The following ERC2 variants were observed in gnomAD, a reference collection of about 807,000 sequenced individuals.
The protein encoded by ERC2 is ERC protein 2.
Under a neutral mutation model 114.8 loss-of-function variants are expected in ERC2, and 42 were observed. That is an observed-to-expected ratio of 0.37 (90% CI 0.29 to 0.47). The LOEUF is 0.47. ERC2 is among the 20% of genes least tolerant of loss of function. The pLI, the probability that ERC2 is intolerant of heterozygous loss-of-function variation, is 0.99. For missense variants in ERC2, 939 were observed against 1,150.7 expected, an observed-to-expected ratio of 0.82 and a Z score of 2.66; for synonymous variants, 454 against 425.5, an observed-to-expected ratio of 1.07 and a Z score of -0.82.
intron 17 of ERC2, among the ~76,000 whole-genome samples, chr3:55,601,304 G>A (rs543777248): frequency 6.6e-6 from 1 of 152,274 alleles, no homozygotes; most frequent in East Asian, 1.9e-4. Flanking sequence ...CTCCATATGT[G>A]ACTCCAGGCT....
chr3:56,032,959 C>CAGAAAGAA lies in ERC2; in HGVS notation c.1642-13936_1642-13929dup, dbSNP rs1224864548. ...AGAAAGAAAGAAAGAAAGAAAGAAA[C>CAGAAAGAA]AGAAAGAAAGAAAGAAAGAGAAAGA... On this transcript the variant is annotated intron_variant, in intron 7 of 17. Coordinates refer to ENST00000288221, the MANE Select transcript of ERC2 (RefSeq NM_015576.3). Among the ~76,000 whole-genome samples, 177 of 38,624 alleles carry CAGAAAGAA rather than the reference C, an allele frequency of 4.6e-3. 2 individuals carry two copies. Among genetic ancestry groups the CAGAAAGAA allele is most frequent in the African/African-American group, 9.2e-3 (93 of 10,056 alleles). 25.3% of individuals were successfully genotyped at this position (38,624 alleles called of 152,430 possible). A position where few individuals can be genotyped will look rare whatever the true frequency, so the allele number is the denominator to read the frequency against.
At chr3:56,422,710 T>C (rs2061431530) in intron 2 of ERC2, among the ~76,000 whole-genome samples, 1 of 152,136 alleles carries the variant, frequency 6.6e-6, no homozygotes, top group Non-Finnish European at 1.5e-5. Flanking sequence ...TTCAAGACAG[T>C]GGAAAGAGCA....
intron 1 of ERC2, among the ~76,000 whole-genome samples, chr3:56,465,250 T>G (rs1182363515): frequency 6.6e-6 from 1 of 151,890 alleles, no homozygotes; most frequent in African/African-American, 2.4e-5. Flanking sequence ...AATACAAAAA[T>G]TAGAGAGGCA....
chr3:55,966,201 A>T (rs981625477), intron 12 of ERC2, among the ~76,000 whole-genome samples: 4 of 152,186 alleles, frequency 2.6e-5, no homozygotes, highest in Admixed American at 2.0e-4. Flanking sequence ...CCTGGAACAT[A>T]AGCCTTCCCT....
intron 13 of ERC2, among the ~76,000 whole-genome samples, chr3:55,929,803 C>T (rs1267361241): frequency 6.6e-6 from 1 of 152,200 alleles, no homozygotes; most frequent in African/African-American, 2.4e-5. Context: ...TCGCTCTCTT[C>T]CTTCTGCTGC....
intron 7 of ERC2, among the ~76,000 whole-genome samples, chr3:56,052,327 C>T (rs1423343065): frequency 2.0e-5 from 3 of 152,196 alleles, no homozygotes. Context: ...GTTTTAGAGA[C>T]ATTAAATAGA....
intron 3 of ERC2, among the ~76,000 whole-genome samples, chr3:56,282,195 T>A (rs1254404312): frequency 6.6e-6 from 1 of 152,178 alleles, no homozygotes; most frequent in Non-Finnish European, 1.5e-5. Context: ...TTCACTAGCA[T>A]TCCCAGGTCT....
intron 14 of ERC2, among the ~76,000 whole-genome samples, chr3:55,740,464 C>T (rs1176669711): frequency 3.9e-5 from 6 of 151,950 alleles, no homozygotes; most frequent in Middle Eastern, 3.5e-3. Context: ...TTTTGAAACC[C>T]TCATTTAAAT....
chr3:56,197,121 A>T (rs2048156595), intron 3 of ERC2, among the ~76,000 whole-genome samples: 1 of 152,176 alleles, frequency 6.6e-6, no homozygotes, highest in Admixed American at 6.5e-5. Flanking sequence ...GATCCTAAGA[A>T]ATAGCAAAAT....
intron 2 of ERC2, among the ~76,000 whole-genome samples, chr3:56,404,873 G>C (rs2060653613): frequency 6.6e-6 from 1 of 152,180 alleles, no homozygotes; most frequent in African/African-American, 2.4e-5. Context: ...AAAAAATTCA[G>C]ATGAAGAAGC....
In ERC2 at chr3:56,217,176, A is replaced by G. The variant is rs1276866300; in HGVS notation, c.1075-43656T>C. ...AGGAGAAGGAAATAAAGGGTATTCA[A>G]TTAGGAAAAGAGGAAGTCAAATTGT... On this transcript the variant is annotated intron_variant, in intron 3 of 17. Transcript: ENST00000288221. Among the ~76,000 whole-genome samples, 3 of 152,318 alleles carry G rather than the reference A, an allele frequency of 2.0e-5. No individual in the cohort carries two copies. The South Asian group carries it at 6.2e-4, about 32-fold the overall frequency.
chr3:56,047,045 C>A (rs935209470), intron 7 of ERC2, among the ~76,000 whole-genome samples: 1 of 152,182 alleles, frequency 6.6e-6, no homozygotes, highest in Non-Finnish European at 1.5e-5. Context: ...TAAACCCGGG[C>A]TTCTTTTCCC....
chr3:56,464,462 A>G (rs1036551436), intron 1 of ERC2, among the ~76,000 whole-genome samples: 1 of 152,240 alleles, frequency 6.6e-6, no homozygotes, highest in Non-Finnish European at 1.5e-5. Context: ...AATCACGGTC[A>G]ACCTGAAGAC....
intron 1 of ERC2, among the ~76,000 whole-genome samples, chr3:56,452,629 A>G (rs2062872620): frequency 1.3e-5 from 2 of 152,186 alleles, no homozygotes; most frequent in African/African-American, 2.4e-5. Context: ...ACGAGAAATT[A>G]TTTTCATTAA....
At chr3:55,864,241 G>A (rs914882703) in intron 14 of ERC2, among the ~76,000 whole-genome samples, 1 of 141,348 alleles carries the variant, frequency 7.1e-6, no homozygotes. Flanking sequence ...GTGTGTGTGT[G>A]TATATATGTA....
intron 15 of ERC2, among the ~76,000 whole-genome samples, chr3:55,711,762 G>T (rs2063790226): frequency 6.6e-6 from 1 of 152,144 alleles, no homozygotes; most frequent in Non-Finnish European, 1.5e-5. Context: ...CAATATTTTT[G>T]CAAAGGAACA....
intron 12 of ERC2, among the ~76,000 whole-genome samples, chr3:55,964,219 C>T (rs779664829): frequency 1.3e-5 from 2 of 152,140 alleles, no homozygotes; most frequent in Non-Finnish European, 2.9e-5. Context: ...CACTTCATCC[C>T]CATTTTACAG....
At chr3:55,971,189 G>T (rs376001453) in intron 12 of ERC2, among the ~76,000 whole-genome samples, 1 of 151,962 alleles carries the variant, frequency 6.6e-6, no homozygotes, top group Non-Finnish European at 1.5e-5. Context: ...AATAAATGAG[G>T]GAGAGGGGAG....
chr3:55,951,312 C>A (rs1209959203), intron 12 of ERC2, among the ~76,000 whole-genome samples: 2 of 152,154 alleles, frequency 1.3e-5, no homozygotes, highest in African/African-American at 4.8e-5. Context: ...AATTATGAGG[C>A]TCCAATCAAA....
Sources: allele counts gnomAD v4.1 joint callset (sites outside exome capture counted in the v4.1 genomes callset), GRCh38; gene constraint gnomAD v4.1.1; transcripts MANE v1.5; gene names NCBI Gene and HGNC (gene_info 2026-07-23, HGNC 2026-07-21).